The following SUCLG2 variants were observed in gnomAD, a reference collection of about 807,000 sequenced individuals.
The protein encoded by SUCLG2 is succinate--CoA ligase [GDP-forming] subunit beta, mitochondrial.
Under a neutral mutation model 47.9 loss-of-function variants are expected in SUCLG2, and 42 were observed. The ratio of observed to expected loss-of-function variants is 0.88; its 90% CI spans 0.69 to 1.14. The LOEUF (loss-of-function observed/expected upper bound fraction) is 1.14, where lower values mean the gene tolerates loss of function less well. Ranked by LOEUF, SUCLG2 falls within the 50% of genes most tolerant of loss-of-function variation. The probability of loss-of-function intolerance (pLI) is 0.00; values close to 1 mark genes in which losing one functional copy is unlikely to be tolerated. For missense variants in SUCLG2, 571 were observed against 525.9 expected (o/e 1.09, Z -0.84); for synonymous variants, 195 against 197.3 (o/e 0.99, Z 0.10).
chr3:67,565,509 T>C (rs894749101), intron 2 of SUCLG2, among the ~76,000 whole-genome samples: 1 of 152,240 alleles, frequency 6.6e-6, no homozygotes, highest in Admixed American at 6.5e-5. Context: ...GGCCACTGGC[T>C]TAAGTACAAA....
chr3:67,529,016 C>T, intron 3 of SUCLG2, 71 bp downstream of exon 3: 1 of 1,367,414 alleles, frequency 7.3e-7, no homozygotes, highest in Admixed American at 2.0e-5. Context: ...CTCAGTGTGC[C>T]TTTCAATCTT....
At chr3:67,575,805 C>T (rs891299691) in intron 2 of SUCLG2, among the ~76,000 whole-genome samples, 2 of 152,122 alleles carry the variant, frequency 1.3e-5, no homozygotes, top group East Asian at 3.8e-4. Flanking sequence ...TATGCTATTG[C>T]TACTGAACCT....
At chr3:67,507,745 C>A in intron 7 of SUCLG2, among the ~76,000 whole-genome samples, 1 of 152,316 alleles carries the variant, frequency 6.6e-6, no homozygotes, top group East Asian at 1.9e-4. Context: ...TGTGTTTACA[C>A]ATAATGATTC....
intron 10 of SUCLG2, among the ~76,000 whole-genome samples, chr3:67,395,242 G>A (rs1354714743): frequency 6.6e-6 from 1 of 152,024 alleles, no homozygotes; most frequent in Non-Finnish European, 1.5e-5. Flanking sequence ...TGGATAAAGA[G>A]TCAAGACCCA....
At chr3:67,509,479 G>A (rs1443145352) in intron 6 of SUCLG2, among the ~76,000 whole-genome samples, 3 of 152,142 alleles carry the variant, frequency 2.0e-5, no homozygotes, top group Non-Finnish European at 4.4e-5. Flanking sequence ...TAACCACAAA[G>A]GGCAAGAATA....
chr3:67,488,038 A>G (rs992213486), intron 9 of SUCLG2, among the ~76,000 whole-genome samples: 2 of 151,354 alleles, frequency 1.3e-5, no homozygotes, highest in African/African-American at 4.9e-5. Flanking sequence ...ACATAAAAAA[A>G]AGAAAGAAAG....
At chr3:67,451,134 C>T (rs535527729) in intron 9 of SUCLG2, among the ~76,000 whole-genome samples, 9 of 152,274 alleles carry the variant, frequency 5.9e-5, no homozygotes, top group African/African-American at 1.7e-4. Flanking sequence ...CCAATTTTTG[C>T]AGTGGCCTCC....
At chr3:67,472,004 C>T (rs1454802844) in intron 9 of SUCLG2, among the ~76,000 whole-genome samples, 5 of 151,960 alleles carry the variant, frequency 3.3e-5, no homozygotes, top group African/African-American at 1.2e-4. Flanking sequence ...TGTTTTAAGA[C>T]AATTATTTTC....
At chr3:67,567,097 T>C (rs1053211130) in intron 2 of SUCLG2, among the ~76,000 whole-genome samples, 4 of 151,944 alleles carry the variant, frequency 2.6e-5, no homozygotes, top group Non-Finnish European at 4.4e-5. Context: ...GCTGGGAGGA[T>C]TGCTTGAGCC....
chr3:67,408,337 G>A (rs531338329), intron 9 of SUCLG2, among the ~76,000 whole-genome samples: 2 of 152,076 alleles, frequency 1.3e-5, no homozygotes, highest in African/African-American at 4.8e-5. Context: ...TTCTTCCAAG[G>A]AAAAAAGAAA....
Position 67,595,335 on chromosome 3 carries a change from T to C in SUCLG2, c.226+14120A>G, listed in dbSNP as rs144920084. Among the ~76,000 whole-genome samples, 103 of 152,258 alleles carry C rather than the reference T, an allele frequency of 6.8e-4. No homozygotes were observed. In the East Asian group the frequency reaches 0.017, roughly 25 times the overall value. ...TCCTTGTTCAGCTAAAGGGGGCTGC[T>C]TGCAGTATTAAAGACAGAGGTGAGG... On this transcript the variant is annotated intron_variant, in intron 2 of 10. Coordinates refer to ENST00000307227, the MANE Select transcript of SUCLG2 (RefSeq NM_003848.4).
chr3:67,569,931 T>C (rs1707563372), intron 2 of SUCLG2, among the ~76,000 whole-genome samples: 1 of 152,146 alleles, frequency 6.6e-6, no homozygotes, highest in South Asian at 2.1e-4. Context: ...CTCCCTAAAT[T>C]CACGTATTGA....
chr3:67,565,235 T>A lies in SUCLG2; in HGVS notation c.227-36049A>T, dbSNP rs894708827. On this transcript the variant is annotated intron_variant, in intron 2 of 10. Coordinates refer to ENST00000307227, the MANE Select transcript of SUCLG2 (RefSeq NM_003848.4). ...GGGGAGAAAGGTCATTCCACACAAA[T>A]AATTTCATAAACTATTTGATTTAGT... Among the ~76,000 whole-genome samples the A allele has an allele frequency of 9.2e-5, 14 of 152,302 alleles. No individual in the cohort carries two copies. In the South Asian group the frequency reaches 1.2e-3, roughly 14 times the overall value.
intron 2 of SUCLG2, among the ~76,000 whole-genome samples, chr3:67,567,631 T>C (rs867830533): frequency 1.3e-5 from 2 of 152,340 alleles, no homozygotes; most frequent in Middle Eastern, 6.8e-3. Context: ...GAAAACTTTT[T>C]TGGCAACCAC....
intron 1 of SUCLG2, among the ~76,000 whole-genome samples, chr3:67,654,170 C>T (rs937036454): frequency 1.3e-5 from 2 of 152,250 alleles, no homozygotes; most frequent in African/African-American, 4.8e-5. Context: ...CCTCAGGGCT[C>T]CAAAACCCGG....
intron 2 of SUCLG2, among the ~76,000 whole-genome samples, chr3:67,607,242 G>A (rs1315207626): frequency 4.6e-5 from 7 of 152,154 alleles, no homozygotes; most frequent in Non-Finnish European, 7.3e-5. Flanking sequence ...TTGAGCACCT[G>A]AAATGTGACT....
At chr3:67,652,943 T>C (rs6788874) in intron 1 of SUCLG2, among the ~76,000 whole-genome samples, 5 of 151,962 alleles carry the variant, frequency 3.3e-5, no homozygotes, top group African/African-American at 1.2e-4. Context: ...GAAAAACACA[T>C]CATCCACAAA....
intron 2 of SUCLG2, among the ~76,000 whole-genome samples, chr3:67,578,514 G>A (rs1170948935): frequency 1.3e-5 from 2 of 152,124 alleles, no homozygotes; most frequent in Non-Finnish European, 2.9e-5. Context: ...TCTTATGTGA[G>A]AGTAGAATCT....
chr3:67,479,633 C>T (rs902683953), intron 9 of SUCLG2, among the ~76,000 whole-genome samples: 6 of 152,160 alleles, frequency 3.9e-5, no homozygotes, highest in Non-Finnish European at 5.9e-5. Context: ...GGAAAGAAAG[C>T]GCTAAGAGTG....
Sources: gnomAD v4.1 joint callset for allele counts (sites outside exome capture counted in the v4.1 genomes callset) on GRCh38, gnomAD v4.1.1 for gene constraint, MANE v1.5 for transcripts, NCBI Gene and HGNC (gene_info 2026-07-23, HGNC 2026-07-21) for gene names.